Variants in SFMBT1 observed in about 807,000 individuals in gnomAD.
The protein encoded by SFMBT1 is scm-like with four MBT domains protein 1.
SFMBT1 carries 32 observed loss-of-function variants against 108.7 expected under a neutral mutation model. That is an observed-to-expected ratio of 0.29 (90% CI 0.22 to 0.40). The LOEUF is 0.40. SFMBT1 is among the 10% of genes least tolerant of loss of function. The pLI is 1.00. For synonymous variants in SFMBT1, 348 were observed against 369.5 expected (o/e 0.94, Z 0.67); for missense variants, 816 against 1,059.6 (o/e 0.77, Z 3.19).
chr3:52,943,437 C>T lies in SFMBT1; in HGVS notation c.280G>A (p.Asp94Asn). 6.2e-7 allele frequency: 1 copy of T among 1,614,218 alleles called. No individual in the cohort carries two copies. Among genetic ancestry groups the T allele is most frequent in the Non-Finnish European group, 8.5e-7 (1 of 1,180,038 alleles). ...YDGYGEDRRA[D>N]FWCDIRKADL... ...GCCTTCCTGATGTCACACCAGAAAT[C>T]TGCTCTCCGATCCTCCCCATAGCCA... Residue 94 changes from aspartate to asparagine, a missense_variant, in exon 4 of 21, where the codon GAT becomes AAT. Coordinates refer to ENST00000394752, the MANE Select transcript of SFMBT1 (RefSeq NM_016329.4).
At chr3:53,000,882 G>C (rs1197750069) in intron 1 of SFMBT1, among the ~76,000 whole-genome samples, 1 of 149,830 alleles carries the variant, frequency 6.7e-6, no homozygotes, top group Non-Finnish European at 1.5e-5. Flanking sequence ...TCTACCAATA[G>C]GTGGTTAGGT....
At position 52,997,140 on chromosome 3, in the gene SFMBT1, T is replaced by C. The variant is rs1305730569; in HGVS notation, c.-130-27882A>G. ...ATCATACAACCAAGCAATTCCACTCTTGAGGATCACCAAAAAGAAATGAAA... is the reference window on the plus strand; with the variant it reads ...ATCATACAACCAAGCAATTCCACTCCTGAGGATCACCAAAAAGAAATGAAA... On this transcript the variant is annotated intron_variant, in intron 1 of 20. Coordinates refer to ENST00000394752, the MANE Select transcript of SFMBT1 (RefSeq NM_016329.4). 1.0e-4 allele frequency among the ~76,000 whole-genome samples: 15 copies of C among 149,774 alleles called. 1 individual carries two copies. Among genetic ancestry groups the C allele is most frequent in the Admixed American group, 8.8e-4 (13 of 14,814 alleles).
intron 1 of SFMBT1, among the ~76,000 whole-genome samples, chr3:53,020,959 G>C (rs552132982): frequency 6.6e-6 from 1 of 152,130 alleles, no homozygotes; most frequent in Admixed American, 6.5e-5. Flanking sequence ...ATGAGAGGCC[G>C]AGGCAGGAGA....
chr3:53,012,645 G>A (rs1384148799), intron 1 of SFMBT1, among the ~76,000 whole-genome samples: 4 of 149,944 alleles, frequency 2.7e-5, no homozygotes, highest in East Asian at 3.9e-4. Flanking sequence ...CTCATGATCC[G>A]CCCGCCTCTG....
intron 1 of SFMBT1, among the ~76,000 whole-genome samples, chr3:52,982,804 AT>A (rs1262143615): frequency 6.6e-6 from 1 of 150,728 alleles, no homozygotes; most frequent in East Asian, 2.0e-4. Flanking sequence ...CACCAGAGGA[AT>A]TAACAGAAGA....
At chr3:52,928,585 TATATAC>T (rs1373524556) in intron 8 of SFMBT1, 1 of 99,848 alleles carries the variant, frequency 1.0e-5, no homozygotes, top group Non-Finnish European at 2.2e-5. Flanking sequence ...TATATATACA[TATATAC>T]ATATATATAC....
At chr3:52,971,784 C>T (rs1041279005) in intron 1 of SFMBT1, among the ~76,000 whole-genome samples, 1 of 152,226 alleles carries the variant, frequency 6.6e-6, no homozygotes, top group South Asian at 2.1e-4. Flanking sequence ...GAAAATGATA[C>T]AGCAGCTAGG....
At chr3:52,909,381 T>G (rs1233383102) in intron 17 of SFMBT1, among the ~76,000 whole-genome samples, 3 of 152,250 alleles carry the variant, frequency 2.0e-5, no homozygotes, top group South Asian at 4.1e-4. Context: ...GAAGCTAAGA[T>G]AATTCCTACT....
chr3:52,957,944 G>A (rs774040395), intron 2 of SFMBT1, among the ~76,000 whole-genome samples: 10 of 152,060 alleles, frequency 6.6e-5, no homozygotes, highest in Non-Finnish European at 1.3e-4. Context: ...TGCAACAAAA[G>A]CAAAAATTGA....
intron 1 of SFMBT1, among the ~76,000 whole-genome samples, chr3:53,003,220 T>C (rs1698622122): frequency 1.3e-5 from 2 of 149,166 alleles, no homozygotes; most frequent in African/African-American, 4.9e-5. Flanking sequence ...AAACTCTCTA[T>C]ATGTTCTGCA....
chr3:53,037,530 T>A (rs533672697), intron 1 of SFMBT1, among the ~76,000 whole-genome samples: 2 of 152,270 alleles, frequency 1.3e-5, no homozygotes, highest in African/African-American at 4.8e-5. Flanking sequence ...GAAATAAAAT[T>A]AAATTAATAT....
At chr3:52,986,411 A>T (rs185081310) in intron 1 of SFMBT1, among the ~76,000 whole-genome samples, 43 of 152,248 alleles carry the variant, frequency 2.8e-4, no homozygotes, top group African/African-American at 9.6e-4. Context: ...GATTTTTAAA[A>T]TTTTTTTGAC....
At chr3:52,985,930 G>A (rs956534593) in intron 1 of SFMBT1, among the ~76,000 whole-genome samples, 3 of 152,090 alleles carry the variant, frequency 2.0e-5, no homozygotes, top group African/African-American at 7.2e-5. Flanking sequence ...ATCATTTGAG[G>A]TGAAGAGTTT....
At chr3:52,905,696 C>T (rs1177038137) in intron 20 of SFMBT1, among the ~76,000 whole-genome samples, 1 of 152,216 alleles carries the variant, frequency 6.6e-6, no homozygotes, top group African/African-American at 2.4e-5. Flanking sequence ...TTGAATCTCC[C>T]TAATTTTCTA....
At chr3:53,004,897 T>C (rs528525009) in intron 1 of SFMBT1, among the ~76,000 whole-genome samples, 1 of 152,306 alleles carries the variant, frequency 6.6e-6, no homozygotes, top group Admixed American at 6.5e-5. Flanking sequence ...TTGACAACAA[T>C]ATTCACAGTA....
intron 1 of SFMBT1, among the ~76,000 whole-genome samples, chr3:53,014,867 T>C (rs1699072986): frequency 1.3e-5 from 2 of 152,090 alleles, no homozygotes; most frequent in Admixed American, 1.3e-4. Context: ...AATGAAAGCA[T>C]AAAGCAACCT....
At chr3:53,028,488 TTGTC>T (rs1421732843) in intron 1 of SFMBT1, among the ~76,000 whole-genome samples, 1 of 152,184 alleles carries the variant, frequency 6.6e-6, no homozygotes, top group Non-Finnish European at 1.5e-5. Flanking sequence ...TCACATCTCT[TTGTC>T]TGCCTTCATG....
chr3:53,005,464 C>T (rs1244555036), intron 1 of SFMBT1, among the ~76,000 whole-genome samples: 1 of 152,140 alleles, frequency 6.6e-6, no homozygotes, highest in Non-Finnish European at 1.5e-5. Context: ...AGGTGCATGC[C>T]AGCACATCCT....
At chr3:52,918,588 T>C (rs1702426681) in intron 12 of SFMBT1, 62 bp from the exon 13 acceptor site, 9 of 1,131,978 alleles carry the variant, frequency 8.0e-6, no homozygotes, top group Non-Finnish European at 1.1e-5. Flanking sequence ...AAAATTCATA[T>C]GTGTATTAAG....
Sources: allele counts gnomAD v4.1 joint callset (sites outside exome capture counted in the v4.1 genomes callset), GRCh38; gene constraint gnomAD v4.1.1; transcripts MANE v1.5; gene names NCBI Gene and HGNC (gene_info 2026-07-23, HGNC 2026-07-21).